PON1: variants seen among roughly 807,000 people sequenced by gnomAD.
The protein encoded by PON1 is paraoxonase 1.
PON1 carries 37 observed loss-of-function variants against 39.2 expected under a neutral mutation model. That is an observed-to-expected ratio of 0.94 (90% CI 0.73 to 1.24). The LOEUF is 1.24. Ranked by LOEUF, PON1 falls within the 50% of genes most tolerant of loss-of-function variation. PON1 has a pLI of 0.00. For missense variants in PON1, 397 were observed against 413.5 expected (o/e 0.96, Z 0.35); for synonymous variants, 148 against 152.2 (o/e 0.97, Z 0.21).
rs1178998161 is a variant in PON1, at chr7:95,302,115, AAAAAAAC to A, written c.909+83_909+89del. Reference sequence around the variant, plus strand: ...CTGTCACAAAAAAAAAAAAAAAAAAAAAAAAACCAAGAATTGAGAATTATGTTGTCAA... The same window carrying A: ...CTGTCACAAAAAAAAAAAAAAAAAAACAAGAATTGAGAATTATGTTGTCAA... On this transcript the variant is annotated intron_variant, in intron 8 of 8. Transcript: ENST00000222381. 693 of 761,106 alleles carry A rather than the reference AAAAAAAC, an allele frequency of 9.1e-4. 14 individuals carry two copies. Among genetic ancestry groups the A allele is most frequent in the East Asian group, 4.4e-3 (69 of 15,754 alleles). 47.1% of individuals were successfully genotyped at this position (761,106 alleles called of 1,614,324 possible).
intron 7 of PON1, 107 bp downstream of exon 7, chr7:95,306,178 T>G: frequency 1.1e-6 from 1 of 943,258 alleles, no homozygotes; most frequent in Non-Finnish European, 1.7e-6. Flanking sequence ...GAAAAATTGG[T>G]TCTCACCCAC....
intron 8 of PON1, among the ~76,000 whole-genome samples, chr7:95,299,822 A>T (rs2116293906): frequency 6.6e-6 from 1 of 152,238 alleles, no homozygotes; most frequent in South Asian, 2.1e-4. Context: ...ATATATATAT[A>T]TCCTATTAGT....
At position 95,313,616 on chromosome 7, in the gene PON1, A is replaced by ATATG. The variant is rs988156019; in HGVS notation, c.370+1702_370+1705dup. ...AGTCCATTGAAAGGGATATATATGTATATGTGTGTGTGTGTGTGTGTGTGT... is the reference window on the plus strand; with the variant it reads ...AGTCCATTGAAAGGGATATATATGTATATGTATGTGTGTGTGTGTGTGTGTGTGT... On this transcript the variant is annotated intron_variant, in intron 4 of 8. Coordinates refer to ENST00000222381, the MANE Select transcript of PON1 (RefSeq NM_000446.7). 4.7e-3 allele frequency among the ~76,000 whole-genome samples: 328 copies of ATATG among 69,634 alleles called. 4 individuals are homozygous for ATATG. The highest frequency in any genetic ancestry group is 0.016 in the African/African-American group (254 of 16,314). 45.7% of individuals were successfully genotyped at this position (69,634 alleles called of 152,430 possible). A position where few individuals can be genotyped will look rare whatever the true frequency, so the allele number is the denominator to read the frequency against.
intron 8 of PON1, among the ~76,000 whole-genome samples, chr7:95,300,287 T>C (rs1171807487): frequency 1.3e-5 from 2 of 152,242 alleles, no homozygotes; most frequent in African/African-American, 4.8e-5. Flanking sequence ...CTCACATTTG[T>C]TTCTCATCTG....
chr7:95,315,631 T>A, intron 3 of PON1, 141 bp from the exon 4 acceptor site: 1 of 857,304 alleles, frequency 1.2e-6, no homozygotes, highest in Non-Finnish European at 1.9e-6. Flanking sequence ...GCCTCTTAGT[T>A]AGCTTCTGTA....
At position 95,315,401 on chromosome 7, in the gene PON1, C is replaced by T. The variant is rs764113747; in HGVS notation, c.291G>A (p.Val97=). The change falls in exon 4 of 9, where the codon GTG becomes GTA. Residue 97 remains valine, a synonymous_variant. Coordinates refer to ENST00000222381, the MANE Select transcript of PON1 (RefSeq NM_000446.7). ...LMDLNEEDPT[V]LELGITGSKF... ...TACTTCCAGTGATCCCCAATTCCAA[C>T]ACTGTTGGATCTTCTTCATTCAGGT... 1.2e-6 allele frequency: 2 copies of T among 1,613,770 alleles called. No individual in the cohort carries two copies. The highest frequency in any genetic ancestry group is 2.2e-5 in the East Asian group (1 of 44,888).
intron 8 of PON1, among the ~76,000 whole-genome samples, chr7:95,301,593 G>T (rs1267508222): frequency 1.3e-5 from 2 of 152,014 alleles, no homozygotes; most frequent in Non-Finnish European, 1.5e-5. Context: ...TAGCCCTGGG[G>T]TACTGCATTA....
chr7:95,302,119 A>AAAC (rs1807445345), intron 8 of PON1, 86 bp downstream of exon 8: 1 of 801,976 alleles, frequency 1.2e-6, no homozygotes, highest in African/African-American at 2.5e-5. Flanking sequence ...AAAAAAAAAA[A>AAAC]AACCAAGAAT....
At chr7:95,321,663 G>A (rs906450421) in intron 1 of PON1, among the ~76,000 whole-genome samples, 1 of 152,168 alleles carries the variant, frequency 6.6e-6, no homozygotes. Flanking sequence ...GTTGGGATTT[G>A]AAATCAAGTG....
intron 1 of PON1, among the ~76,000 whole-genome samples, chr7:95,321,075 T>TACTCA (rs1372400286): frequency 6.6e-6 from 1 of 152,172 alleles, no homozygotes; most frequent in Non-Finnish European, 1.5e-5. Context: ...GAGAAGCCAG[T>TACTCA]ACTCACAGAG....
At chr7:95,321,102 G>A (rs982848713) in intron 1 of PON1, among the ~76,000 whole-genome samples, 4 of 152,178 alleles carry the variant, frequency 2.6e-5, no homozygotes, top group Non-Finnish European at 5.9e-5. Context: ...GGATGAGAGA[G>A]AATGTAAGAG....
chr7:95,307,381 G>A (rs889424601), intron 6 of PON1, among the ~76,000 whole-genome samples: 3 of 151,976 alleles, frequency 2.0e-5, no homozygotes, highest in Non-Finnish European at 2.9e-5. Flanking sequence ...CATATGTTAC[G>A]GACTCTAAAA....
chr7:95,298,612 C>T lies in PON1; in HGVS notation c.*332G>A, dbSNP rs854552. 0.7 allele frequency: 269,336 copies of T among 385,974 alleles called. 96,441 individuals carry two copies. The highest frequency in any genetic ancestry group is 0.77 in the East Asian group (12,407 of 16,010). The allele number at this position is 385,974 out of a possible 1,614,324, so 23.9% of individuals were successfully genotyped here. A position where few individuals can be genotyped will look rare whatever the true frequency, so the allele number is the denominator to read the frequency against. The stretch of plus-strand genomic sequence containing the variant: ...AAGGCAGCGATACACACATGTGCTT[C>T]CAGGCAACACATGTTTTAGGGTAAG... On this transcript the variant is annotated 3_prime_UTR_variant, in exon 9 of 9. Transcript: ENST00000222381.
At chr7:95,299,501 C>T (rs1326404218) in intron 8 of PON1, among the ~76,000 whole-genome samples, 1 of 151,964 alleles carries the variant, frequency 6.6e-6, no homozygotes, top group Admixed American at 6.6e-5. Context: ...TGTCTGTGAG[C>T]GTGTTGCCAA....
chr7:95,319,323 G>A (rs372275380), intron 1 of PON1, among the ~76,000 whole-genome samples: 1 of 152,044 alleles, frequency 6.6e-6, no homozygotes, highest in Non-Finnish European at 1.5e-5. Context: ...AATTCTTACC[G>A]ACGTGGTACA....
At chr7:95,318,526 A>C (rs1027467094) in intron 1 of PON1, 133 bp from the exon 2 acceptor site, 1 of 796,240 alleles carries the variant, frequency 1.3e-6, no homozygotes, top group African/African-American at 1.7e-5. Context: ...TTTTCCTGCA[A>C]TTTTTCCAGG....
intron 5 of PON1, among the ~76,000 whole-genome samples, chr7:95,309,843 A>G (rs565074482): frequency 6.6e-6 from 1 of 152,368 alleles, no homozygotes; most frequent in South Asian, 2.1e-4. Context: ...TTATTGGAAT[A>G]TTAATGTTAT....
At chr7:95,308,475 CGTGTGTGTGTGT>C (rs10548570) in intron 5 of PON1, among the ~76,000 whole-genome samples, 91 of 147,186 alleles carry the variant, frequency 6.2e-4, no homozygotes, top group Admixed American at 2.6e-3. Context: ...AGTGTTACGT[CGTGTGTGTGTGT>C]GTGTGTGTGT....
intron 3 of PON1, among the ~76,000 whole-genome samples, chr7:95,316,287 G>A (rs1157641411): frequency 2.0e-5 from 3 of 152,098 alleles, no homozygotes; most frequent in Admixed American, 1.3e-4. Context: ...TTGGGAATTG[G>A]GAATTGGGAC....
Sources: gnomAD v4.1 joint callset for allele counts (sites outside exome capture counted in the v4.1 genomes callset) on GRCh38, gnomAD v4.1.1 for gene constraint, MANE v1.5 for transcripts, NCBI Gene and HGNC (gene_info 2026-07-23, HGNC 2026-07-21) for gene names.